RIMS2: variants seen among roughly 807,000 people sequenced by gnomAD.
The protein encoded by RIMS2 is regulating synaptic membrane exocytosis protein 2.
In RIMS2, 59 loss-of-function variants were observed where a neutral mutation model predicts 174.4. That is an observed-to-expected ratio of 0.34 (90% CI 0.27 to 0.42). RIMS2 has a LOEUF of 0.42. RIMS2 is among the 10% of genes least tolerant of loss of function. The pLI, the probability that RIMS2 is intolerant of heterozygous loss-of-function variation, is 1.00. For missense variants in RIMS2, 1,620 were observed against 1,666.3 expected, an observed-to-expected ratio of 0.97 and a Z score of 0.48; for synonymous variants, 606 against 572.5, an observed-to-expected ratio of 1.06 and a Z score of -0.84.
intron 1 of RIMS2, among the ~76,000 whole-genome samples, chr8:103,617,221 A>T (rs1328287585): frequency 6.6e-6 from 1 of 152,172 alleles, no homozygotes; most frequent in Non-Finnish European, 1.5e-5. Flanking sequence ...CCCCACATTT[A>T]TAACCATCTG....
chr8:104,123,978 A>G (rs1207350535), intron 19 of RIMS2, among the ~76,000 whole-genome samples: 1 of 152,184 alleles, frequency 6.6e-6, no homozygotes, highest in Non-Finnish European at 1.5e-5. Flanking sequence ...AAGTATGCCT[A>G]TATGTGGAAT....
intron 17 of RIMS2, among the ~76,000 whole-genome samples, chr8:104,011,278 T>C (rs1287923254): frequency 1.3e-5 from 2 of 152,104 alleles, no homozygotes; most frequent in Admixed American, 1.3e-4. Context: ...GTTGGGACAT[T>C]TGGGGAAATT....
intron 2 of RIMS2, among the ~76,000 whole-genome samples, chr8:103,727,528 A>T (rs1438056056): frequency 6.6e-6 from 1 of 151,946 alleles, no homozygotes; most frequent in Non-Finnish European, 1.5e-5. Context: ...TTAGGGTATT[A>T]CTCAAGAAAT....
chr8:103,569,457 T>C (rs902148521), intron 1 of RIMS2, among the ~76,000 whole-genome samples: 5 of 152,190 alleles, frequency 3.3e-5, no homozygotes, highest in Non-Finnish European at 5.9e-5. Flanking sequence ...GGAATATTGC[T>C]GTCTTAACAA....
intron 3 of RIMS2, among the ~76,000 whole-genome samples, chr8:103,821,610 A>G (rs957460814): frequency 2.6e-5 from 4 of 151,758 alleles, no homozygotes; most frequent in Admixed American, 2.6e-4. Flanking sequence ...AAAAATAAGT[A>G]TATGAATTTT....
chr8:104,150,239 C>T (rs565424397), intron 19 of RIMS2, among the ~76,000 whole-genome samples: 2 of 151,860 alleles, frequency 1.3e-5, no homozygotes, highest in Non-Finnish European at 1.5e-5. Flanking sequence ...CTAAAATGGA[C>T]GTTAGTAAGA....
chr8:104,080,505 T>C (rs1309667013), intron 19 of RIMS2, among the ~76,000 whole-genome samples: 1 of 152,072 alleles, frequency 6.6e-6, no homozygotes, highest in Non-Finnish European at 1.5e-5. Flanking sequence ...TGTGCCATAA[T>C]AACTATGACT....
At chr8:103,837,125 T>C (rs79282993) in intron 3 of RIMS2, among the ~76,000 whole-genome samples, 18,904 of 152,294 alleles carry the variant, frequency 0.12, 1,277 homozygotes, top group Middle Eastern at 0.22. Context: ...GTTAAAACAC[T>C]CCACCTATTT....
intron 1 of RIMS2, among the ~76,000 whole-genome samples, chr8:103,636,406 C>T (rs932640205): frequency 3.3e-5 from 5 of 152,126 alleles, no homozygotes; most frequent in Non-Finnish European, 5.9e-5. Flanking sequence ...CTCCATGTAG[C>T]TCTTTTTGTC....
intron 19 of RIMS2, among the ~76,000 whole-genome samples, chr8:104,178,786 G>C (rs1367873868): frequency 1.9e-3 from 285 of 152,176 alleles, no homozygotes; most frequent in African/African-American, 6.4e-3. Flanking sequence ...AGGGAATTAA[G>C]AAAAAGTTTG....
intron 19 of RIMS2, among the ~76,000 whole-genome samples, chr8:104,045,247 G>A (rs986779605): frequency 1.3e-5 from 2 of 151,528 alleles, no homozygotes; most frequent in Admixed American, 6.6e-5. Flanking sequence ...ATTGCATTAC[G>A]AGGTCCAATT....
chr8:104,149,126 C>T (rs2098669031), intron 19 of RIMS2, among the ~76,000 whole-genome samples: 1 of 152,164 alleles, frequency 6.6e-6, no homozygotes, highest in South Asian at 2.1e-4. Context: ...CAATTGCCAG[C>T]TGCTGATCCT....
At chr8:103,753,769 GT>G (rs1407738490) in intron 2 of RIMS2, among the ~76,000 whole-genome samples, 3 of 152,124 alleles carry the variant, frequency 2.0e-5, no homozygotes, top group Non-Finnish European at 2.9e-5. Flanking sequence ...GAGATTGGTG[GT>G]GATATCCCCT....
In RIMS2 at chr8:103,697,092, G is replaced by T. The variant is rs200855352; in HGVS notation, c.183G>T (p.Leu61=). Residue 61 remains leucine, a synonymous_variant, in exon 2 of 24, where the codon CTG becomes CTT. Transcript: ENST00000504942. The stretch of plus-strand genomic sequence containing the variant: ...TTATCTATTTTCTCTGCAGAAAACT[G>T]CATCAGCAGTTTGAAATGTATAAAG... The T allele has an allele frequency of 6.2e-6, 10 of 1,610,720 alleles. No individual in the cohort carries two copies. The East Asian group carries it at 2.0e-4, about 32-fold the overall frequency.
chr8:104,186,601 C>T (rs944803229), intron 19 of RIMS2, among the ~76,000 whole-genome samples: 1 of 151,722 alleles, frequency 6.6e-6, no homozygotes, highest in African/African-American at 2.4e-5. Context: ...TCACTTCATT[C>T]TCAGAACTCC....
chr8:104,183,796 A>G, intron 19 of RIMS2, among the ~76,000 whole-genome samples: 1 of 151,556 alleles, frequency 6.6e-6, no homozygotes, highest in Non-Finnish European at 1.5e-5. Flanking sequence ...TAAACTTTAG[A>G]GTTTATTTTT....
chr8:103,591,274 A>G (rs1050166726), intron 1 of RIMS2, among the ~76,000 whole-genome samples: 7 of 151,034 alleles, frequency 4.6e-5, no homozygotes, highest in African/African-American at 1.7e-4. Flanking sequence ...TTTTTAATCA[A>G]TAAGTTTTTA....
intron 19 of RIMS2, among the ~76,000 whole-genome samples, chr8:104,226,841 T>C (rs1353682071): frequency 2.0e-5 from 3 of 152,224 alleles, no homozygotes; most frequent in Non-Finnish European, 4.4e-5. Context: ...GGAGTTAAGA[T>C]ATAAACCCAA....
downstream of RIMS2, chr8:104,255,961 T>G (rs1030196681): frequency 1.8e-4 from 28 of 152,212 alleles, no homozygotes; most frequent in African/African-American, 6.8e-4. Flanking sequence ...AATATGGAGT[T>G]TGAGGTAGAT....
Sources: gnomAD v4.1 joint callset for allele counts (sites outside exome capture counted in the v4.1 genomes callset) on GRCh38, gnomAD v4.1.1 for gene constraint, MANE v1.5 for transcripts, NCBI Gene and HGNC (gene_info 2026-07-23, HGNC 2026-07-21) for gene names.